Variants in BST1 observed in about 807,000 individuals in gnomAD.
BST1 encodes the protein bone marrow stromal cell antigen 1, also known as ADP-ribosyl cyclase/cyclic ADP-ribose hydrolase 2.
In BST1, 49 loss-of-function variants were observed where a neutral mutation model predicts 40.6. The ratio of observed to expected loss-of-function variants is 1.21; its 90% CI spans 0.96 to 1.53. The LOEUF (loss-of-function observed/expected upper bound fraction) is 1.53, where lower values mean the gene tolerates loss of function less well. Ranked by LOEUF, BST1 falls within the 40% of genes most tolerant of loss-of-function variation. The pLI is 0.00. For synonymous variants in BST1, 157 were observed against 159.3 expected (o/e 0.99, Z 0.11); for missense variants, 423 against 395.9 (o/e 1.07, Z -0.58).
Position 15,731,762 on chromosome 4 carries a change from A to G in BST1, c.874A>G (p.Lys292Glu). 6.2e-7 allele frequency: 1 copy of G among 1,613,476 alleles called. No homozygotes were observed. Among genetic ancestry groups the G allele is most frequent in the Non-Finnish European group, 8.5e-7 (1 of 1,179,756 alleles). Residue 292 changes from lysine to glutamate, a missense_variant, in exon 9 of 9, where the codon AAA (lysine) becomes GAA (glutamate). Physicochemically the swap from Lys to Glu is moderately conservative, Grantham distance 56 (BLOSUM62 1). Coordinates refer to ENST00000265016, the MANE Select transcript of BST1 (RefSeq NM_004334.3). ...CAGGGCAGCAGCCGCTACTCAAAGA[A>G]AAGCCCCAAGTCTTTATACAGAACA... ...LKSAAAATQR[K>E]APSLYTEQRA...
chr4:15,715,400 C>A, intron 5 of BST1, 39 bp downstream of exon 5: 1 of 1,575,284 alleles, frequency 6.3e-7, no homozygotes, highest in Non-Finnish European at 8.7e-7. Flanking sequence ...GAGAGAATGC[C>A]AAAATATTTA....
intron 3 of BST1, among the ~76,000 whole-genome samples, chr4:15,707,855 C>CTCTCTCTCTCTATA (rs544633858): frequency 1.2e-4 from 16 of 128,638 alleles, no homozygotes; most frequent in African/African-American, 3.5e-4. Flanking sequence ...CTCTCTCTCT[C>CTCTCTCTCTCTATA]TATATATATA....
intron 8 of BST1, among the ~76,000 whole-genome samples, chr4:15,725,945 G>A (rs6845597): frequency 2.6e-5 from 3 of 114,486 alleles, no homozygotes; most frequent in African/African-American, 8.9e-5. Flanking sequence ...GTGAAGTGCG[G>A]TCTTTTTTTT....
the BST1 span, among the ~76,000 whole-genome samples, chr4:15,750,806 T>A: frequency 6.6e-6 from 1 of 151,396 alleles, no homozygotes; most frequent in African/African-American, 2.4e-5. Context: ...GTAACTGGGT[T>A]TTTTTGTTCC....
chr4:15,705,267 G>A (rs76682013), intron 1 of BST1, among the ~76,000 whole-genome samples: 6,771 of 151,748 alleles, frequency 0.045, 335 homozygotes, highest in East Asian at 0.21. Context: ...GCTTGTCTCC[G>A]TGAGCCTGGG....
chr4:15,727,989 A>G (rs894972115), intron 8 of BST1, among the ~76,000 whole-genome samples: 1 of 151,722 alleles, frequency 6.6e-6, no homozygotes, highest in African/African-American at 2.4e-5. Flanking sequence ...TCCAAGGGGA[A>G]AAAACCAACC....
chr4:15,713,513 G>A (rs1256176871), intron 4 of BST1, among the ~76,000 whole-genome samples: 2 of 151,952 alleles, frequency 1.3e-5, no homozygotes, highest in East Asian at 1.9e-4. Flanking sequence ...ACAATTCTGT[G>A]AGGCAGAGAC....
At chr4:15,768,563 G>A in the BST1 span, among the ~76,000 whole-genome samples, 41 of 146,196 alleles carry the variant, frequency 2.8e-4, no homozygotes, top group South Asian at 1.7e-3. Flanking sequence ...GCGCAATCTC[G>A]GCTCACTGCA....
At chr4:15,763,856 T>C in the BST1 span, among the ~76,000 whole-genome samples, 1 of 151,970 alleles carries the variant, frequency 6.6e-6, no homozygotes, top group Non-Finnish European at 1.5e-5. Flanking sequence ...CTGTATGACA[T>C]TGTGGAAAAG....
At chr4:15,759,394 G>T in the BST1 span, among the ~76,000 whole-genome samples, 2 of 152,008 alleles carry the variant, frequency 1.3e-5, no homozygotes, top group African/African-American at 2.4e-5. Flanking sequence ...ACCTCATGGG[G>T]TTATTATGCA....
the BST1 span, among the ~76,000 whole-genome samples, chr4:15,751,665 A>G: frequency 6.6e-6 from 1 of 151,898 alleles, no homozygotes; most frequent in Non-Finnish European, 1.5e-5. Context: ...ATAGATCTAT[A>G]TTTATATAGT....
chr4:15,751,682 AT>A, the BST1 span, among the ~76,000 whole-genome samples: 4 of 151,870 alleles, frequency 2.6e-5, no homozygotes, highest in African/African-American at 7.3e-5. Flanking sequence ...TAGTATATGT[AT>A]ATCTTATAGA....
chr4:15,733,091 A>G (rs1475393594), downstream of BST1, among the ~76,000 whole-genome samples: 2 of 152,148 alleles, frequency 1.3e-5, no homozygotes, highest in African/African-American at 4.8e-5. Flanking sequence ...AAGCTTCCAC[A>G]ATGTGGAAGG....
intron 8 of BST1, 150 bp from the exon 9 acceptor site, chr4:15,731,590 G>T: frequency 8.7e-7 from 1 of 1,148,646 alleles, no homozygotes; most frequent in South Asian, 1.3e-5. Context: ...TTCGCGCACC[G>T]CCTCCTACGG....
At chr4:15,760,315 T>C in the BST1 span, among the ~76,000 whole-genome samples, 1 of 152,134 alleles carries the variant, frequency 6.6e-6, no homozygotes, top group East Asian at 1.9e-4. Context: ...CACATTTTGT[T>C]TATCCATTCA....
At chr4:15,718,143 A>G (rs1720609107) in intron 6 of BST1, among the ~76,000 whole-genome samples, 1 of 152,184 alleles carries the variant, frequency 6.6e-6, no homozygotes, top group South Asian at 2.1e-4. Flanking sequence ...TATCGAAATG[A>G]AAGAATCAAC....
the BST1 span, among the ~76,000 whole-genome samples, chr4:15,764,556 A>G: frequency 6.6e-6 from 1 of 152,036 alleles, no homozygotes; most frequent in African/African-American, 2.4e-5. Flanking sequence ...ATGCATATAA[A>G]GAATGGCTCA....
chr4:15,725,145 G>C (rs909875817), intron 8 of BST1, among the ~76,000 whole-genome samples: 3 of 152,180 alleles, frequency 2.0e-5, no homozygotes, highest in Non-Finnish European at 4.4e-5. Context: ...TCCAATGTGG[G>C]TAGGTTCATA....
At chr4:15,736,226 G>A (rs1370904316), downstream of BST1, 2 of 907,784 alleles carry the variant, frequency 2.2e-6, no homozygotes, top group African/African-American at 3.5e-5. Context: ...AATGCTGCCA[G>A]AGCAATGTCC....
Sources: gnomAD v4.1 joint callset for allele counts (sites outside exome capture counted in the v4.1 genomes callset) on GRCh38, gnomAD v4.1.1 for gene constraint, MANE v1.5 for transcripts, NCBI Gene and HGNC (gene_info 2026-07-23, HGNC 2026-07-21) for gene names.